Variants in LATS1 observed in about 807,000 individuals in gnomAD.
LATS1 encodes serine/threonine-protein kinase LATS1.
Under a neutral mutation model 106.6 loss-of-function variants are expected in LATS1, and 25 were observed. That is an observed-to-expected ratio of 0.23 (90% CI 0.17 to 0.33). The LOEUF (loss-of-function observed/expected upper bound fraction) is 0.33, where lower values mean the gene tolerates loss of function less well. LATS1 is among the 10% of genes least tolerant of loss of function. The pLI is 1.00. For missense variants in LATS1, 1,040 were observed against 1,382.6 expected, an observed-to-expected ratio of 0.75 and a Z score of 3.93; for synonymous variants, 465 against 455.6, an observed-to-expected ratio of 1.02 and a Z score of -0.26.
At chr6:149,703,243 G>A (rs1783568682) in intron 1 of LATS1, among the ~76,000 whole-genome samples, 1 of 152,160 alleles carries the variant, frequency 6.6e-6, no homozygotes, top group Non-Finnish European at 1.5e-5. Context: ...CCAAAGTGCT[G>A]GGATTGCAGG....
At chr6:149,706,758 A>T (rs549936667) in intron 1 of LATS1, among the ~76,000 whole-genome samples, 7 of 152,104 alleles carry the variant, frequency 4.6e-5, no homozygotes, top group Non-Finnish European at 7.4e-5. Context: ...AGCCAACAGA[A>T]GCTGGAAGTG....
At chr6:149,693,392 A>T (rs1782885266) in intron 3 of LATS1, among the ~76,000 whole-genome samples, 1 of 151,972 alleles carries the variant, frequency 6.6e-6, no homozygotes, top group Non-Finnish European at 1.5e-5. Context: ...CAGGCAGATC[A>T]CGAGGTCAGG....
chr6:149,700,543 C>G (rs982974112), intron 2 of LATS1, among the ~76,000 whole-genome samples: 3 of 151,914 alleles, frequency 2.0e-5, no homozygotes, highest in African/African-American at 7.3e-5. Context: ...AAATCCTTTA[C>G]TACAATGCAT....
intron 1 of LATS1, among the ~76,000 whole-genome samples, chr6:149,711,746 G>C (rs1784112953): frequency 6.6e-6 from 1 of 152,226 alleles, no homozygotes; most frequent in East Asian, 1.9e-4. Flanking sequence ...CAATGGATGG[G>C]AGAGTTCCTT....
At chr6:149,706,249 T>TC (rs771603220) in intron 1 of LATS1, among the ~76,000 whole-genome samples, 6 of 120,702 alleles carry the variant, frequency 5.0e-5, no homozygotes, top group African/African-American at 1.6e-4. Context: ...ATGCCTGTAA[T>TC]CCCAACACTT....
intron 1 of LATS1, among the ~76,000 whole-genome samples, chr6:149,709,016 A>T (rs1465603566): frequency 6.6e-6 from 1 of 152,204 alleles, no homozygotes; most frequent in Non-Finnish European, 1.5e-5. Flanking sequence ...GACATCAGGT[A>T]TGCTCTGATT....
intron 3 of LATS1, among the ~76,000 whole-genome samples, chr6:149,685,179 A>G (rs1178190362): frequency 2.0e-5 from 3 of 152,090 alleles, no homozygotes; most frequent in African/African-American, 7.2e-5. Context: ...CCAACGCTGC[A>G]GTGAACTGAG....
chr6:149,707,615 G>C (rs1048658655), intron 1 of LATS1, among the ~76,000 whole-genome samples: 21 of 152,174 alleles, frequency 1.4e-4, no homozygotes, highest in African/African-American at 3.9e-4. Context: ...ACAAAGGTCA[G>C]AGAAAGGACT....
intron 3 of LATS1, among the ~76,000 whole-genome samples, chr6:149,688,090 T>A (rs189336857): frequency 7.3e-5 from 11 of 149,978 alleles, no homozygotes; most frequent in Non-Finnish European, 1.5e-4. Context: ...TTAGCCAGGA[T>A]GGTCTCGATC....
chr6:149,705,248 C>T (rs1330785500), intron 1 of LATS1, among the ~76,000 whole-genome samples: 1 of 152,138 alleles, frequency 6.6e-6, no homozygotes, highest in Non-Finnish European at 1.5e-5. Context: ...ATTTTCTTTT[C>T]TAAGCTTTCC....
chr6:149,671,434 T>G (rs1006237264), intron 7 of LATS1, among the ~76,000 whole-genome samples: 1 of 151,876 alleles, frequency 6.6e-6, no homozygotes, highest in Non-Finnish European at 1.5e-5. Flanking sequence ...GCACCTGGCC[T>G]GATGTTCAGT....
At chr6:149,682,352 A>G (rs1426971105) in intron 4 of LATS1, among the ~76,000 whole-genome samples, 2 of 152,078 alleles carry the variant, frequency 1.3e-5, no homozygotes, top group Admixed American at 6.5e-5. Flanking sequence ...ATAAACTCCA[A>G]ATTTTCTAAA....
intron 4 of LATS1, among the ~76,000 whole-genome samples, 199 bp from the exon 5 acceptor site, chr6:149,680,656 A>G (rs1388896159): frequency 6.6e-6 from 1 of 152,004 alleles, no homozygotes; most frequent in Non-Finnish European, 1.5e-5. Context: ...AAGGATATTC[A>G]AAGTGAGTAC....
Position 149,662,247 on chromosome 6 carries a change from A to AT in LATS1, c.2884-10dup, listed in dbSNP as rs778060260. On this transcript the variant is annotated splice_polypyrimidine_tract_variant and intron_variant, in intron 7 of 7. Coordinates refer to ENST00000543571, the MANE Select transcript of LATS1 (RefSeq NM_004690.4). ...GTTTGCCAGTTGATAACCTTTAAAG[A>AT]TTTTTTAAAATTAGGGGGAAGAGAT... 5 of 1,551,128 alleles carry AT rather than the reference A, an allele frequency of 3.2e-6. No individual in the cohort carries two copies. The highest frequency in any genetic ancestry group is 4.3e-6 in the Non-Finnish European group (5 of 1,154,934).
chr6:149,663,300 T>C (rs1780973399), intron 7 of LATS1, among the ~76,000 whole-genome samples: 1 of 152,080 alleles, frequency 6.6e-6, no homozygotes, highest in African/African-American at 2.4e-5. Context: ...CTGGGCAACA[T>C]GGTGAAACCC....
At chr6:149,673,665 T>C (rs541916065) in intron 7 of LATS1, among the ~76,000 whole-genome samples, 3 of 151,622 alleles carry the variant, frequency 2.0e-5, no homozygotes, top group Non-Finnish European at 4.4e-5. Flanking sequence ...TGTAAAACCA[T>C]TTCTTTTTTT....
chr6:149,667,560 CTG>C lies in LATS1; in HGVS notation c.2884-5324_2884-5323del, dbSNP rs1781224641. On this transcript the variant is annotated intron_variant, in intron 7 of 7. Coordinates refer to ENST00000543571, the MANE Select transcript of LATS1 (RefSeq NM_004690.4). ...AAAATATAAGTAGAACTTCAGGAAT[CTG>C]TGGGACCACACCAAAAGGCCTAACA... Among the ~76,000 whole-genome samples, 3 of 150,630 alleles carry C rather than the reference CTG, an allele frequency of 2.0e-5. No individual in the cohort carries two copies. The South Asian group carries it at 6.3e-4, about 32-fold the overall frequency.
At chr6:149,708,567 C>T (rs1020176474) in intron 1 of LATS1, among the ~76,000 whole-genome samples, 3 of 152,112 alleles carry the variant, frequency 2.0e-5, no homozygotes, top group African/African-American at 4.8e-5. Flanking sequence ...TACTCGACTC[C>T]ATTTCCCAGA....
Position 149,679,863 on chromosome 6 carries a change from G to C in LATS1, c.2593+12C>G. The C allele has an allele frequency of 6.6e-7, 1 of 1,508,608 alleles. No individual in the cohort carries two copies. The highest frequency in any genetic ancestry group is 8.9e-7 in the Non-Finnish European group (1 of 1,117,928). 93.5% of individuals were successfully genotyped at this position (1,508,608 alleles called of 1,614,324 possible). A position where few individuals can be genotyped will look rare whatever the true frequency, so the allele number is the denominator to read the frequency against. On this transcript the variant is annotated intron_variant, in intron 5 of 7. Transcript: ENST00000543571. ...ATGAACAAACTAAAATAAATTTTATGAGTTTACTTACCACTCTGATAGTAC... is the reference window on the plus strand; with the variant it reads ...ATGAACAAACTAAAATAAATTTTATCAGTTTACTTACCACTCTGATAGTAC...
Sources: allele counts gnomAD v4.1 joint callset (sites outside exome capture counted in the v4.1 genomes callset), GRCh38; gene constraint gnomAD v4.1.1; transcripts MANE v1.5; gene names NCBI Gene and HGNC (gene_info 2026-07-23, HGNC 2026-07-21).